LRRC53: variants seen among roughly 807,000 people sequenced by gnomAD.
The protein encoded by LRRC53 is leucine-rich repeat-containing protein 53.
LRRC53 carries 25 observed loss-of-function variants against 13.6 expected under a neutral mutation model. That is an observed-to-expected ratio of 1.83 (90% confidence interval 1.34 to 2.56). The LOEUF is 2.56. Ranked by LOEUF, LRRC53 falls within the 30% of genes most tolerant of loss-of-function variation. The pLI, the probability that LRRC53 is intolerant of heterozygous loss-of-function variation, is 0.00. For missense variants in LRRC53, 527 were observed against 275.8 expected (o/e 1.91, Z -6.45); for synonymous variants, 204 against 109.8 (o/e 1.86, Z -5.37).
At chr1:74,509,827 A>C (rs1670094881) in intron 1 of LRRC53, among the ~76,000 whole-genome samples, 1 of 125,480 alleles carries the variant, frequency 8.0e-6, no homozygotes, top group South Asian at 2.4e-4. Flanking sequence ...ATTATGGCTC[A>C]CTGCAGCCTC....
Position 74,506,738 on chromosome 1 carries a change from CT to C in LRRC53, c.-27+5787del, listed in dbSNP as rs1669922809. ...TATACAGTAACCAATCTCTGGGGAC[CT>C]TTTAGTTTTAGTGTACTGTATTTAG... On this transcript the variant is annotated intron_variant, in intron 1 of 4. Transcript: ENST00000294635. 1.3e-5 allele frequency among the ~76,000 whole-genome samples: 2 copies of C among 152,138 alleles called. 1 individual carries two copies. The highest frequency in any genetic ancestry group is 4.1e-4 in the South Asian group (2 of 4,832).
chr1:74,518,310 A>G, the LRRC53 span, among the ~76,000 whole-genome samples: 1 of 152,094 alleles, frequency 6.6e-6, no homozygotes, highest in Non-Finnish European at 1.5e-5. Flanking sequence ...CTTCTTTTAT[A>G]TTTATTTTCA....
chr1:74,484,221 A>T (rs1668641989), intron 1 of LRRC53, among the ~76,000 whole-genome samples: 2 of 151,600 alleles, frequency 1.3e-5, no homozygotes, highest in South Asian at 4.2e-4. Flanking sequence ...TTAAAAAAAA[A>T]AAAACAAGGA....
At chr1:74,517,654 T>C in the LRRC53 span, among the ~76,000 whole-genome samples, 1 of 152,208 alleles carries the variant, frequency 6.6e-6, no homozygotes, top group Admixed American at 6.5e-5. Context: ...TTAGGTTCTA[T>C]TTCATTGATG....
chr1:74,507,726 A>T (rs6704493), intron 1 of LRRC53, among the ~76,000 whole-genome samples: 56 of 152,222 alleles, frequency 3.7e-4, no homozygotes, highest in African/African-American at 1.3e-3. Context: ...TGTTTTAGCC[A>T]TGTTGGTATT....
chr1:74,490,894 A>T, intron 1 of LRRC53, among the ~76,000 whole-genome samples: 1 of 152,238 alleles, frequency 6.6e-6, no homozygotes, highest in East Asian at 1.9e-4. Context: ...GCCAAAGAAA[A>T]AATAATAAAA....
In LRRC53 at chr1:74,471,674, T is replaced by A. The variant is rs1312623573; in HGVS notation, c.1948A>T (p.Arg650Trp). Residue 650 changes from arginine to tryptophan, a missense_variant, in exon 5 of 5, where the codon AGG (arginine) becomes TGG (tryptophan). By Grantham distance (101) the Arg-to-Trp change is moderately radical. Transcript: ENST00000294635. ...FHDPDLVEINRSMMSPKISTP... is the reference protein window; with the variant it reads ...FHDPDLVEINWSMMSPKISTP... ...GATATTTTGGGTGACATCATCGACC[T>A]ATTTATTTCTACTAAATCAGGATCA... The A allele has an allele frequency of 2.5e-6, 1 of 400,772 alleles. No homozygotes were observed. Among genetic ancestry groups the A allele is most frequent in the Non-Finnish European group, 4.4e-6 (1 of 226,340 alleles). 24.8% of individuals were successfully genotyped at this position (400,772 alleles called of 1,614,324 possible).
At chr1:74,528,952 T>C in the LRRC53 span, among the ~76,000 whole-genome samples, 1 of 152,086 alleles carries the variant, frequency 6.6e-6, no homozygotes, top group Non-Finnish European at 1.5e-5. Context: ...AGGAGAAAGA[T>C]ACAAAGAAAG....
intron 1 of LRRC53, among the ~76,000 whole-genome samples, chr1:74,496,655 G>A (rs1206450100): frequency 6.6e-6 from 1 of 152,040 alleles, no homozygotes; most frequent in African/African-American, 2.4e-5. Flanking sequence ...GCAAAATTGT[G>A]TCAGAGATTT....
At chr1:74,507,882 G>T (rs1183435504) in intron 1 of LRRC53, among the ~76,000 whole-genome samples, 2 of 152,206 alleles carry the variant, frequency 1.3e-5, no homozygotes, top group Admixed American at 6.5e-5. Context: ...TCTCTGGTTA[G>T]TCAGGTGTTC....
intron 1 of LRRC53, among the ~76,000 whole-genome samples, chr1:74,484,212 T>TAAA (rs36109808): frequency 1.4e-5 from 2 of 144,644 alleles, no homozygotes; most frequent in South Asian, 2.2e-4. Context: ...CCTGGTTGAT[T>TAAA]AAAAAAAAAA....
the LRRC53 span, among the ~76,000 whole-genome samples, chr1:74,519,812 T>C: frequency 6.6e-6 from 1 of 152,170 alleles, no homozygotes; most frequent in Non-Finnish European, 1.5e-5. Context: ...ATAATGTGTG[T>C]CATTCAGAGG....
intron 1 of LRRC53, chr1:74,492,001 G>T: frequency 7.3e-7 from 1 of 1,368,498 alleles, no homozygotes; most frequent in East Asian, 2.4e-5. Context: ...TAAAATATGG[G>T]AAACCTTGGA....
chr1:74,510,565 T>A (rs1670136594), intron 1 of LRRC53, among the ~76,000 whole-genome samples: 1 of 152,200 alleles, frequency 6.6e-6, no homozygotes, highest in African/African-American at 2.4e-5. Flanking sequence ...CTTGAATTTT[T>A]AAAAAATTAT....
chr1:74,516,228 A>C (rs1278931521), upstream of LRRC53, among the ~76,000 whole-genome samples: 1 of 152,188 alleles, frequency 6.6e-6, no homozygotes, highest in African/African-American at 2.4e-5. Flanking sequence ...AAAAATTTTG[A>C]CTAATGTTGA....
At chr1:74,498,316 T>C (rs1026258233) in intron 1 of LRRC53, among the ~76,000 whole-genome samples, 4 of 152,210 alleles carry the variant, frequency 2.6e-5, no homozygotes, top group African/African-American at 9.7e-5. Context: ...GTAATCACTA[T>C]GTCATGAAGA....
chr1:74,500,819 C>T (rs1327506065), intron 1 of LRRC53, among the ~76,000 whole-genome samples: 1 of 151,714 alleles, frequency 6.6e-6, no homozygotes, highest in Non-Finnish European at 1.5e-5. Context: ...TTCTTTGTTG[C>T]TGTTAAAATT....
intron 1 of LRRC53, among the ~76,000 whole-genome samples, chr1:74,508,578 G>A (rs1487441070): frequency 6.6e-6 from 1 of 152,152 alleles, no homozygotes; most frequent in Non-Finnish European, 1.5e-5. Flanking sequence ...CAGGCCAGGA[G>A]GCAGACTGCA....
At chr1:74,490,455 G>C (rs1669010241) in intron 1 of LRRC53, among the ~76,000 whole-genome samples, 1 of 152,098 alleles carries the variant, frequency 6.6e-6, no homozygotes, top group South Asian at 2.1e-4. Flanking sequence ...GTGGATTCCA[G>C]AAAAAAGGAA....
Sources: gnomAD v4.1 joint callset for allele counts (sites outside exome capture counted in the v4.1 genomes callset) on GRCh38, gnomAD v4.1.1 for gene constraint, MANE v1.5 for transcripts, NCBI Gene and HGNC (gene_info 2026-07-23, HGNC 2026-07-21) for gene names.